TMEFF1: variants seen among roughly 807,000 people sequenced by gnomAD.
TMEFF1 encodes the protein transmembrane protein with EGF like and two follistatin like domains 1.
TMEFF1 carries 20 observed loss-of-function variants against 47.5 expected under a neutral mutation model. The observed-to-expected ratio is 0.42, with a 90% confidence interval of 0.30 to 0.61. The LOEUF is 0.61. Among genes scored for constraint, TMEFF1 ranks in the 20% least tolerant of loss-of-function variants. The pLI, the probability that TMEFF1 is intolerant of heterozygous loss-of-function variation, is 0.19. For missense variants in TMEFF1, 411 were observed against 471.1 expected (o/e 0.87, Z 1.18); for synonymous variants, 162 against 166.3 (o/e 0.97, Z 0.20).
chr9:100,542,111 C>T (rs1249083810), intron 5 of TMEFF1, among the ~76,000 whole-genome samples: 1 of 150,582 alleles, frequency 6.6e-6, no homozygotes, highest in African/African-American at 2.4e-5. Context: ...CCTTTCTTGC[C>T]TTTTTTGGAT....
At chr9:100,556,670 G>T (rs1838920641) in intron 7 of TMEFF1, among the ~76,000 whole-genome samples, 1 of 152,164 alleles carries the variant, frequency 6.6e-6, no homozygotes, top group Non-Finnish European at 1.5e-5. Context: ...TAAAACTAAA[G>T]AGATTCCTTT....
chr9:100,484,423 T>C (rs995063026), intron 1 of TMEFF1, among the ~76,000 whole-genome samples: 1 of 152,002 alleles, frequency 6.6e-6, no homozygotes, highest in Non-Finnish European at 1.5e-5. Flanking sequence ...GTTCAAGCGA[T>C]TCTCCCTGCC....
At chr9:100,498,964 G>T in intron 2 of TMEFF1, 90 bp downstream of exon 2, 2 of 1,402,210 alleles carry the variant, frequency 1.4e-6, no homozygotes, top group South Asian at 2.7e-5. Flanking sequence ...AAAACACCTT[G>T]AACCCCATAA....
intron 1 of TMEFF1, among the ~76,000 whole-genome samples, chr9:100,489,040 G>A (rs1837502280): frequency 6.6e-6 from 1 of 151,830 alleles, no homozygotes; most frequent in East Asian, 1.9e-4. Context: ...TATCACCCCA[G>A]AAAGTTTCTA....
intron 4 of TMEFF1, among the ~76,000 whole-genome samples, chr9:100,515,898 A>G (rs563239297): frequency 6.6e-6 from 1 of 152,268 alleles, no homozygotes; most frequent in Non-Finnish European, 1.5e-5. Flanking sequence ...CCTTAAGTTG[A>G]TTTCAGAACT....
chr9:100,543,043 C>T (rs1360057091), intron 5 of TMEFF1, among the ~76,000 whole-genome samples: 1 of 151,848 alleles, frequency 6.6e-6, no homozygotes. Flanking sequence ...ATTCTCCTGC[C>T]TCAGCCTCCT....
intron 8 of TMEFF1, among the ~76,000 whole-genome samples, chr9:100,572,310 ATAACT>A (rs1457562696): frequency 1.3e-4 from 20 of 152,324 alleles, no homozygotes; most frequent in African/African-American, 4.3e-4. Context: ...TTAATGTGAT[ATAACT>A]TAGGTGAAAG....
chr9:100,561,654 A>G, intron 8 of TMEFF1, 134 bp downstream of exon 8: 1 of 1,317,644 alleles, frequency 7.6e-7, no homozygotes, highest in Non-Finnish European at 9.7e-7. Flanking sequence ...TAAAAAACAA[A>G]TCAGCAGCAT....
intron 2 of TMEFF1, among the ~76,000 whole-genome samples, chr9:100,502,062 A>G (rs1457727633): frequency 6.6e-6 from 1 of 152,218 alleles, no homozygotes; most frequent in Non-Finnish European, 1.5e-5. Flanking sequence ...CAAAGGCAAC[A>G]TCTGTTACTT....
intron 5 of TMEFF1, among the ~76,000 whole-genome samples, chr9:100,523,715 A>G (rs944913946): frequency 6.6e-6 from 1 of 152,220 alleles, no homozygotes; most frequent in African/African-American, 2.4e-5. Context: ...GGTACTTTCT[A>G]TATAGGGTTA....
At chr9:100,516,650 A>G (rs1160184927) in intron 4 of TMEFF1, 25 bp from the exon 5 acceptor site, 1 of 1,605,320 alleles carries the variant, frequency 6.2e-7, no homozygotes, top group East Asian at 2.2e-5. Context: ...TTTTGGTTGT[A>G]AATTTGATTT....
intron 2 of TMEFF1, among the ~76,000 whole-genome samples, chr9:100,499,719 A>G (rs562154513): frequency 6.6e-6 from 1 of 152,350 alleles, no homozygotes; most frequent in Non-Finnish European, 1.5e-5. Flanking sequence ...TCAGTATTCT[A>G]TCTGAAAAGT....
At chr9:100,497,291 T>A (rs1455979721) in intron 1 of TMEFF1, among the ~76,000 whole-genome samples, 2 of 149,934 alleles carry the variant, frequency 1.3e-5, no homozygotes, top group African/African-American at 4.9e-5. Flanking sequence ...TTGTGTTAGC[T>A]TTCTCTTGCT....
chr9:100,550,118 G>A lies in TMEFF1; in HGVS notation c.733G>A (p.Gly245Arg). 1 of 1,611,090 alleles carries A rather than the reference G, an allele frequency of 6.2e-7. No homozygotes were observed. The highest frequency in any genetic ancestry group is 1.1e-5 in the South Asian group (1 of 90,454). The change falls in exon 7 of 10, where the codon GGA becomes AGA. Residue 245 changes from glycine (G) to arginine (R), a missense_variant. Coordinates refer to ENST00000374879, the MANE Select transcript of TMEFF1 (RefSeq NM_003692.5). ...AGATACAGATGACACTAGTTTGTTGGGAAAGAAAGATGATGGACTACAATA... is the reference window on the plus strand; with the variant it reads ...AGATACAGATGACACTAGTTTGTTGAGAAAGAAAGATGATGGACTACAATA... Reference protein sequence around the residue: ...CTDTDDTSLLGKKDDGLQYRP... With the variant: ...CTDTDDTSLLRKKDDGLQYRP...
intron 7 of TMEFF1, among the ~76,000 whole-genome samples, chr9:100,553,899 A>G (rs1466404034): frequency 6.6e-6 from 1 of 152,156 alleles, no homozygotes; most frequent in African/African-American, 2.4e-5. Context: ...ACCAATGAAT[A>G]TACTTCACAT....
intron 5 of TMEFF1, among the ~76,000 whole-genome samples, chr9:100,539,645 G>A (rs1424748508): frequency 6.6e-6 from 1 of 152,156 alleles, no homozygotes; most frequent in Non-Finnish European, 1.5e-5. Flanking sequence ...AGCTCATAAA[G>A]GTGGCGCGGA....
intron 5 of TMEFF1, among the ~76,000 whole-genome samples, chr9:100,519,734 T>C (rs1838130534): frequency 6.6e-6 from 1 of 150,596 alleles, no homozygotes; most frequent in Non-Finnish European, 1.5e-5. Context: ...TTTACTTCTG[T>C]ATTAAGTCTT....
chr9:100,534,952 T>G (rs1838474495), intron 5 of TMEFF1, among the ~76,000 whole-genome samples: 1 of 152,180 alleles, frequency 6.6e-6, no homozygotes, highest in Non-Finnish European at 1.5e-5. Context: ...AATTTTTTTG[T>G]AAAGGGCTAG....
chr9:100,566,789 C>G (rs185443932), intron 8 of TMEFF1, among the ~76,000 whole-genome samples: 5 of 152,170 alleles, frequency 3.3e-5, no homozygotes, highest in African/African-American at 1.2e-4. Context: ...ACTGCAGCCT[C>G]CACCTCCTGG....
Sources: gnomAD v4.1 joint callset for allele counts (sites outside exome capture counted in the v4.1 genomes callset) on GRCh38, gnomAD v4.1.1 for gene constraint, MANE v1.5 for transcripts, NCBI Gene and HGNC (gene_info 2026-07-23, HGNC 2026-07-21) for gene names.